TXNDC11: variants seen among roughly 807,000 people sequenced by gnomAD.
TXNDC11 encodes the protein thioredoxin domain-containing protein 11.
A neutral mutation model predicts 78.0 loss-of-function variants in TXNDC11; 68 were observed. That is an observed-to-expected ratio of 0.87 (90% confidence interval 0.72 to 1.07). TXNDC11 has a LOEUF of 1.07. Ranked by LOEUF, TXNDC11 falls within the 50% of genes least tolerant of loss-of-function variation. The pLI, the probability that TXNDC11 is intolerant of heterozygous loss-of-function variation, is 0.00. For synonymous variants in TXNDC11, 571 were observed against 495.2 expected (o/e 1.15, Z -2.03); for missense variants, 1,389 against 1,221.8 (o/e 1.14, Z -2.04).
intron 5 of TXNDC11, among the ~76,000 whole-genome samples, chr16:11,720,964 ACTC>A (rs1190926925): frequency 6.9e-6 from 1 of 144,890 alleles, no homozygotes; most frequent in Admixed American, 6.9e-5. Flanking sequence ...CTGGTCTCAA[ACTC>A]CTGGACTCAA....
chr16:11,695,552 AC>A (rs1481732803), intron 7 of TXNDC11, among the ~76,000 whole-genome samples: 9 of 152,156 alleles, frequency 5.9e-5, no homozygotes, highest in Admixed American at 5.9e-4. Flanking sequence ...TTCCCACCTT[AC>A]CCAAAGGCTT....
At position 11,691,469 on chromosome 16, in the gene TXNDC11, C is replaced by A; in HGVS notation, c.1721G>T (p.Cys574Phe). 6.2e-7 allele frequency: 1 copy of A among 1,614,210 alleles called. No homozygotes were observed. Among genetic ancestry groups the A allele is most frequent in the Non-Finnish European group, 8.5e-7 (1 of 1,180,028 alleles). ...MTSTNFTGLS[C>F]RTNKTLNIYL... ...GATGTTGAGAGTCTTGTTGGTTCTG[C>A]AGCTCAGGCCTGTGAAGTTTGTGCT... Residue 574 changes from cysteine to phenylalanine, a missense_variant, in exon 8 of 12, where the codon TGC (cysteine) becomes TTC (phenylalanine). By Grantham distance (205) the Cys-to-Phe change is radical. Coordinates refer to ENST00000283033, the MANE Select transcript of TXNDC11 (RefSeq NM_015914.7).
chr16:11,692,330 G>A, intron 7 of TXNDC11: 2 of 432,680 alleles, frequency 4.6e-6, no homozygotes, highest in Non-Finnish European at 8.2e-6. Flanking sequence ...TCCATGCTGT[G>A]GATGCTGCCA....
At chr16:11,688,805 C>T (rs2050634969) in intron 8 of TXNDC11, among the ~76,000 whole-genome samples, 1 of 152,118 alleles carries the variant, frequency 6.6e-6, no homozygotes, top group African/African-American at 2.4e-5. Context: ...AATACTAAGA[C>T]CTTTAAGCTT....
At chr16:11,734,172 C>T (rs745826374) in intron 2 of TXNDC11, 93 bp from the exon 3 acceptor site, 14 of 823,856 alleles carry the variant, frequency 1.7e-5, no homozygotes, top group Non-Finnish European at 2.6e-5. Context: ...AGAATGATTC[C>T]TCTCTCACTG....
At chr16:11,700,765 G>A (rs1470480959) in intron 5 of TXNDC11, among the ~76,000 whole-genome samples, 1 of 152,190 alleles carries the variant, frequency 6.6e-6, no homozygotes, top group African/African-American at 2.4e-5. Context: ...GCCTGCTTCT[G>A]AGAGGATGTC....
At chr16:11,703,548 G>A (rs751128234) in intron 5 of TXNDC11, 2 of 557,972 alleles carry the variant, frequency 3.6e-6, no homozygotes, top group Non-Finnish European at 3.3e-6. Flanking sequence ...ACACACAGAG[G>A]GAGAGAGAGG....
intron 5 of TXNDC11, among the ~76,000 whole-genome samples, chr16:11,702,398 G>A (rs140163870): frequency 1.3e-5 from 2 of 152,198 alleles, no homozygotes; most frequent in East Asian, 3.9e-4. Flanking sequence ...CCAGGCGCAG[G>A]GGCTCATGCT....
At chr16:11,732,678 G>C (rs2052090831) in intron 3 of TXNDC11, among the ~76,000 whole-genome samples, 1 of 152,200 alleles carries the variant, frequency 6.6e-6, no homozygotes, top group African/African-American at 2.4e-5. Flanking sequence ...TGTGGGGGTA[G>C]AGATGGGGTA....
At chr16:11,698,044 G>T in intron 7 of TXNDC11, 81 bp downstream of exon 7, 2 of 1,339,190 alleles carry the variant, frequency 1.5e-6, no homozygotes, top group South Asian at 1.2e-5. Flanking sequence ...CAGAGTAAAT[G>T]ACTGAGTGTG....
At chr16:11,711,160 G>A (rs1193925064) in intron 5 of TXNDC11, among the ~76,000 whole-genome samples, 1 of 150,840 alleles carries the variant, frequency 6.6e-6, no homozygotes, top group Non-Finnish European at 1.5e-5. Flanking sequence ...AAAGCCAAGA[G>A]GGAATCACCA....
chr16:11,687,713 G>A lies in TXNDC11; in HGVS notation c.2153+144C>T, dbSNP rs952528150. The A allele has an allele frequency of 2.0e-5, 12 of 604,424 alleles. 1 individual carries two copies. The highest frequency in any genetic ancestry group is 1.2e-4 in the South Asian group (7 of 58,168). The allele number at this position is 604,424 out of a possible 1,614,324, so 37.4% of individuals were successfully genotyped here. On this transcript the variant is annotated intron_variant, in intron 10 of 11. Transcript: ENST00000283033. The stretch of plus-strand genomic sequence containing the variant: ...CAGTTTCAAAGAGGCTTTGCTCATG[G>A]CTTCAACCTGACAATTAAATTCAGC...
chr16:11,742,142 G>A (rs904329171), intron 1 of TXNDC11: 2 of 313,688 alleles, frequency 6.4e-6, no homozygotes, highest in African/African-American at 2.2e-5. Flanking sequence ...TGAAATCGGT[G>A]AGAAATGAGG....
intron 5 of TXNDC11, among the ~76,000 whole-genome samples, chr16:11,708,388 T>C (rs1311608527): frequency 6.6e-6 from 1 of 152,204 alleles, no homozygotes; most frequent in Non-Finnish European, 1.5e-5. Context: ...TCTAGACCTA[T>C]GACTCTAGCC....
intron 5 of TXNDC11, among the ~76,000 whole-genome samples, chr16:11,714,391 A>C (rs1290119226): frequency 6.6e-6 from 1 of 152,218 alleles, no homozygotes; most frequent in East Asian, 1.9e-4. Context: ...CTGTAACTCC[A>C]GCACTTTGGG....
In TXNDC11 at chr16:11,679,720, A is replaced by T. The variant is rs1452285663; in HGVS notation, c.2352T>A (p.Pro784=). ...ASSPQNVANS[P]TKECLQSEAV... Reference sequence around the variant, plus strand: ...CCTCGCTCTGAAGACACTCCTTGGTAGGAGAGTTAGCCACATTCTGGGGGC... The same window carrying T: ...CCTCGCTCTGAAGACACTCCTTGGTTGGAGAGTTAGCCACATTCTGGGGGC... Residue 784 remains proline (P), a synonymous_variant, in exon 12 of 12, where the codon CCT becomes CCA. Coordinates refer to ENST00000283033, the MANE Select transcript of TXNDC11 (RefSeq NM_015914.7). The surrounding 1 kb of genome is among the most constrained non-coding windows in gnomAD (Gnocchi z 4.6). 6.2e-7 allele frequency: 1 copy of T among 1,614,070 alleles called. No individual in the cohort carries two copies. The highest frequency in any genetic ancestry group is 8.5e-7 in the Non-Finnish European group (1 of 1,180,048).
intron 7 of TXNDC11, among the ~76,000 whole-genome samples, chr16:11,693,709 G>T (rs2030722233): frequency 6.6e-6 from 1 of 152,152 alleles, no homozygotes; most frequent in African/African-American, 2.4e-5. Flanking sequence ...TAGATGATAG[G>T]CCAGTGCTTG....
At chr16:11,729,847 C>T (rs779532344) in intron 4 of TXNDC11, among the ~76,000 whole-genome samples, 3 of 152,152 alleles carry the variant, frequency 2.0e-5, no homozygotes, top group Non-Finnish European at 4.4e-5. Flanking sequence ...AATCCCAGCA[C>T]TGTGAGGGGA....
At position 11,679,181 on chromosome 16, in the gene TXNDC11, TATC is replaced by T. The variant is rs752000865; in HGVS notation, c.*11_*13del. 2 of 1,610,090 alleles carry T rather than the reference TATC, an allele frequency of 1.2e-6. No individual in the cohort carries two copies. The highest frequency in any genetic ancestry group is 2.2e-5 in the East Asian group (1 of 44,864). ...ACAATTTTCACCTCTGATTTCTTCA[TATC>T]ATTTAAAAAGTTAGTCTGTCCTGTT... On this transcript the variant is annotated 3_prime_UTR_variant, in exon 12 of 12. Coordinates refer to ENST00000283033, the MANE Select transcript of TXNDC11 (RefSeq NM_015914.7). This position sits in a 1 kb window ranked among gnomAD's most constrained non-coding sequence, Gnocchi z 4.6.
Sources: allele counts gnomAD v4.1 joint callset (sites outside exome capture counted in the v4.1 genomes callset), GRCh38; gene constraint gnomAD v4.1.1; non-coding constraint Gnocchi (gnomAD v3.1); transcripts MANE v1.5; gene names NCBI Gene and HGNC (gene_info 2026-07-23, HGNC 2026-07-21).